MEF2C: variants seen among roughly 807,000 people sequenced by gnomAD.
The protein encoded by MEF2C is myocyte enhancer factor 2C.
MEF2C carries 6 observed loss-of-function variants against 50.5 expected under a neutral mutation model. That is an observed-to-expected ratio of 0.12 (90% CI 0.07 to 0.23). MEF2C has a LOEUF of 0.23. Ranked by LOEUF, MEF2C falls within the 10% of genes least tolerant of loss-of-function variation. The probability of loss-of-function intolerance (pLI) is 1.00; values close to 1 mark genes in which losing one functional copy is unlikely to be tolerated. For synonymous variants in MEF2C, 183 were observed against 228.0 expected (o/e 0.80, Z 1.78); for missense variants, 276 against 605.0 (o/e 0.46, Z 5.70).
chr5:88,820,711 C>G (rs11958401), intron 2 of MEF2C, among the ~76,000 whole-genome samples: 2 of 151,942 alleles, frequency 1.3e-5, no homozygotes. Flanking sequence ...AAGCATTTTT[C>G]TTTGCAACAT....
At chr5:88,791,506 A>G (rs1045555700) in intron 3 of MEF2C, among the ~76,000 whole-genome samples, 4 of 152,184 alleles carry the variant, frequency 2.6e-5, no homozygotes, top group Non-Finnish European at 5.9e-5. Context: ...GAGCTGTGTA[A>G]TAACAGAGAC....
At chr5:88,772,906 G>A (rs889861115) in intron 3 of MEF2C, 24 of 985,400 alleles carry the variant, frequency 2.4e-5, no homozygotes, top group Non-Finnish European at 2.9e-5. Context: ...GCTAATTGAG[G>A]GTTTTGCCTG....
chr5:88,781,648 A>C (rs1788094201), intron 3 of MEF2C, among the ~76,000 whole-genome samples: 1 of 152,074 alleles, frequency 6.6e-6, no homozygotes, highest in Admixed American at 6.6e-5. Context: ...TGTATTCAGA[A>C]TCCTGACCTG....
At chr5:88,731,700 T>C in intron 7 of MEF2C, 29 bp downstream of exon 7, 1 of 1,585,434 alleles carries the variant, frequency 6.3e-7, no homozygotes, top group Non-Finnish European at 8.6e-7. Flanking sequence ...ACATTATCAA[T>C]ATTTATTTAA....
At chr5:88,783,211 T>C (rs1473227284) in intron 3 of MEF2C, among the ~76,000 whole-genome samples, 1 of 152,202 alleles carries the variant, frequency 6.6e-6, no homozygotes, top group East Asian at 1.9e-4. Context: ...TTATCATTAT[T>C]GTAAACCTTA....
At chr5:88,851,236 A>C (rs1581573222) in intron 1 of MEF2C, among the ~76,000 whole-genome samples, 1 of 62,742 alleles carries the variant, frequency 1.6e-5, no homozygotes, top group Non-Finnish European at 5.1e-5. Flanking sequence ...CATCTCACAA[A>C]AAAAAAAAAA....
chr5:88,782,065 C>T (rs890964121), intron 3 of MEF2C: 5 of 863,946 alleles, frequency 5.8e-6, no homozygotes, highest in Non-Finnish European at 6.9e-6. Flanking sequence ...GGCAACCTAG[C>T]GAGACTCTGT....
intron 6 of MEF2C, chr5:88,732,610 C>A (rs1354353729): frequency 1.3e-5 from 2 of 152,192 alleles, no homozygotes; most frequent in Non-Finnish European, 2.9e-5. Context: ...AGCCATTGAA[C>A]TGGAAGACTG....
At position 88,823,889 on chromosome 5, in the gene MEF2C, C is replaced by T. The variant is rs1581240352; in HGVS notation, c.-101G>A. 4.5e-6 allele frequency: 7 copies of T among 1,566,232 alleles called. No individual in the cohort carries two copies. In the East Asian group the frequency reaches 1.4e-4, roughly 30 times the overall value. On this transcript the variant is annotated 5_prime_UTR_variant, in exon 2 of 11. Transcript: ENST00000504921. The stretch of plus-strand genomic sequence containing the variant: ...CCTCCAAACAAATCTCCTTCTTCAG[C>T]ACTTGCACAGCTCAGTTCCCAAATT...
chr5:88,781,538 G>A (rs948902542), intron 3 of MEF2C, among the ~76,000 whole-genome samples: 13 of 152,208 alleles, frequency 8.5e-5, no homozygotes, highest in African/African-American at 3.1e-4. Context: ...ATGTGTGTCT[G>A]TCCCTCCTCC....
intron 1 of MEF2C, among the ~76,000 whole-genome samples, chr5:88,854,580 T>C (rs145421640): frequency 2.2e-3 from 330 of 152,312 alleles, no homozygotes; most frequent in African/African-American, 7.6e-3. Context: ...CTCTCTCACC[T>C]GAATTAGGAT....
intron 2 of MEF2C, among the ~76,000 whole-genome samples, chr5:88,805,815 T>C (rs1800147757): frequency 6.9e-6 from 1 of 144,562 alleles, no homozygotes; most frequent in Admixed American, 7.1e-5. Context: ...TGAAAAGGCG[T>C]GAACATTCTT....
chr5:88,860,065 A>G (rs2153420510), intron 1 of MEF2C, among the ~76,000 whole-genome samples: 1 of 152,298 alleles, frequency 6.6e-6, no homozygotes, highest in Middle Eastern at 3.4e-3. Context: ...TTTTATGGCC[A>G]ATTCAGCCTT....
intron 10 of MEF2C, among the ~76,000 whole-genome samples, chr5:88,724,019 T>C (rs1757486879): frequency 6.6e-6 from 1 of 152,170 alleles, no homozygotes; most frequent in Non-Finnish European, 1.5e-5. Context: ...TTTAAGATGC[T>C]TTTACTCTTC....
chr5:88,756,264 A>G (rs1178774919), intron 4 of MEF2C, among the ~76,000 whole-genome samples: 1 of 152,158 alleles, frequency 6.6e-6, no homozygotes, highest in African/African-American at 2.4e-5. Flanking sequence ...CAAATAGTGA[A>G]CATTGTACCT....
chr5:88,747,246 A>G (rs1263050082), intron 6 of MEF2C, among the ~76,000 whole-genome samples: 1 of 151,898 alleles, frequency 6.6e-6, no homozygotes, highest in African/African-American at 2.4e-5. Flanking sequence ...AGGATTCCAA[A>G]GCATTCTAGC....
At chr5:88,798,500 T>C (rs1221820518) in intron 3 of MEF2C, among the ~76,000 whole-genome samples, 1 of 152,126 alleles carries the variant, frequency 6.6e-6, no homozygotes, top group Non-Finnish European at 1.5e-5. Flanking sequence ...AGGTCATTTA[T>C]GTTCTTCTCT....
chr5:88,818,264 C>A (rs1342692596), intron 2 of MEF2C, among the ~76,000 whole-genome samples: 1 of 151,872 alleles, frequency 6.6e-6, no homozygotes, highest in Non-Finnish European at 1.5e-5. Context: ...ATGAAACAAG[C>A]ACCCCCAAAA....
At chr5:88,741,341 T>A (rs1424381020) in intron 6 of MEF2C, 1 of 984,550 alleles carries the variant, frequency 1.0e-6, no homozygotes, top group East Asian at 1.1e-4. Flanking sequence ...GCATCAGTTA[T>A]CTCATTTAAT....
Sources: allele counts gnomAD v4.1 joint callset (sites outside exome capture counted in the v4.1 genomes callset), GRCh38; gene constraint gnomAD v4.1.1; transcripts MANE v1.5; gene names NCBI Gene and HGNC (gene_info 2026-07-23, HGNC 2026-07-21).